Variants in CHRM2 observed in about 807,000 individuals in gnomAD.
CHRM2 encodes the protein muscarinic acetylcholine receptor M2.
In CHRM2, 8 loss-of-function variants were observed where a neutral mutation model predicts 25.0. The ratio of observed to expected loss-of-function variants is 0.32; its 90% CI spans 0.19 to 0.58. The LOEUF (loss-of-function observed/expected upper bound fraction) is 0.58, where lower values mean the gene tolerates loss of function less well. Among genes scored for constraint, CHRM2 ranks in the 20% least tolerant of loss-of-function variants. CHRM2 has a pLI of 0.88. For missense variants in CHRM2, 440 were observed against 567.1 expected, an observed-to-expected ratio of 0.78 and a Z score of 2.28; for synonymous variants, 202 against 205.7, an observed-to-expected ratio of 0.98 and a Z score of 0.15.
In CHRM2 at chr7:136,875,116, C is replaced by T. The variant is rs562090058; in HGVS notation, c.-125+5698C>T. Among the ~76,000 whole-genome samples the T allele has an allele frequency of 2.0e-4, 30 of 149,416 alleles. No individual in the cohort carries two copies. The South Asian group carries it at 5.7e-3, about 28-fold the overall frequency. ...ATATACACATATATACATATATACA[C>T]ACATATATACATATATATACACACA... On this transcript the variant is annotated intron_variant, in intron 2 of 3. Transcript: ENST00000680005.
chr7:136,972,682 C>T (rs1801852836), intron 2 of CHRM2, among the ~76,000 whole-genome samples: 1 of 151,984 alleles, frequency 6.6e-6, no homozygotes, highest in African/African-American at 2.4e-5. Context: ...GTGGTCATGG[C>T]AGTGGTAAGT....
intron 2 of CHRM2, among the ~76,000 whole-genome samples, chr7:136,942,846 TTCTTTTCTTCTC>T (rs1218938071): frequency 1.3e-5 from 2 of 152,052 alleles, no homozygotes; most frequent in South Asian, 2.1e-4. Context: ...TTTAATTTAG[TTCTTTTCTTCTC>T]TCTTTTCTTT....
intron 2 of CHRM2, among the ~76,000 whole-genome samples, chr7:136,965,382 C>T (rs369934262): frequency 3.2e-4 from 49 of 152,034 alleles, no homozygotes; most frequent in African/African-American, 9.4e-4. Flanking sequence ...AATGGAATTG[C>T]TATTATGGAT....
At chr7:136,924,876 G>A (rs887887496) in intron 2 of CHRM2, among the ~76,000 whole-genome samples, 2 of 152,152 alleles carry the variant, frequency 1.3e-5, no homozygotes, top group Non-Finnish European at 2.9e-5. Context: ...GTAACACAGA[G>A]TATTTCATAA....
chr7:136,976,550 G>T (rs942026667), intron 2 of CHRM2, among the ~76,000 whole-genome samples: 26 of 152,116 alleles, frequency 1.7e-4, no homozygotes, highest in African/African-American at 5.6e-4. Context: ...GCAGGCTTCT[G>T]AACTGGGCAC....
At chr7:136,888,263 AATAG>A (rs1309017944) in intron 2 of CHRM2, among the ~76,000 whole-genome samples, 2 of 152,190 alleles carry the variant, frequency 1.3e-5, no homozygotes, top group Non-Finnish European at 1.5e-5. Context: ...ATTGTCTTAA[AATAG>A]ATAGGAGCCA....
intron 3 of CHRM2, among the ~76,000 whole-genome samples, chr7:137,010,935 C>CAAGGTA (rs1804763689): frequency 6.6e-6 from 1 of 151,758 alleles, no homozygotes; most frequent in Admixed American, 6.6e-5. Flanking sequence ...TGTATAACTG[C>CAAGGTA]AAGGTAAGGA....
chr7:137,010,023 G>A (rs745822567), intron 3 of CHRM2, among the ~76,000 whole-genome samples: 2 of 151,866 alleles, frequency 1.3e-5, no homozygotes, highest in Non-Finnish European at 1.5e-5. Context: ...AACAGCATTT[G>A]TTTAATACTT....
chr7:136,975,574 C>G (rs914169078), intron 2 of CHRM2, among the ~76,000 whole-genome samples: 27 of 152,102 alleles, frequency 1.8e-4, no homozygotes, highest in African/African-American at 6.3e-4. Context: ...TAACAAAACC[C>G]AATGATAAAA....
At chr7:136,932,298 A>C (rs538591445) in intron 2 of CHRM2, among the ~76,000 whole-genome samples, 1 of 152,368 alleles carries the variant, frequency 6.6e-6, no homozygotes, top group East Asian at 1.9e-4. Flanking sequence ...AGAGTGAATT[A>C]GTAATTTGAA....
chr7:136,974,351 C>G (rs112518195), intron 2 of CHRM2, among the ~76,000 whole-genome samples: 1,990 of 152,246 alleles, frequency 0.013, 36 homozygotes, highest in African/African-American at 0.045. Flanking sequence ...CAAGTGCCAA[C>G]TGACAACATA....
intron 2 of CHRM2, among the ~76,000 whole-genome samples, chr7:136,957,515 A>G (rs1471258960): frequency 2.0e-5 from 3 of 152,234 alleles, no homozygotes; most frequent in African/African-American, 7.2e-5. Context: ...AATGACATCC[A>G]TAAGATTATA....
rs77413649 is a variant in CHRM2, at chr7:137,002,822, C to T, written c.-47+10558C>T. 1.6e-3 allele frequency among the ~76,000 whole-genome samples: 236 copies of T among 152,140 alleles called. 1 individual carries two copies. The highest frequency in any genetic ancestry group is 5.6e-3 in the African/African-American group (232 of 41,518). The stretch of plus-strand genomic sequence containing the variant: ...CTGTTTTTGTCCCTTTTTAAATGCT[C>T]TACTTGTTGATTAGAATCAACTGTT... On this transcript the variant is annotated intron_variant, in intron 3 of 3. Coordinates refer to ENST00000680005, the MANE Select transcript of CHRM2 (RefSeq NM_001006630.2).
At chr7:136,938,506 G>GGGCTCAGCA in intron 2 of CHRM2, 1 of 1,008,400 alleles carries the variant, frequency 9.9e-7, no homozygotes, top group Non-Finnish European at 1.6e-6. Context: ...TAGGATAAGG[G>GGGCTCAGCA]GGCTCAGCAG....
At chr7:136,950,658 A>G (rs540875605) in intron 2 of CHRM2, among the ~76,000 whole-genome samples, 28 of 152,358 alleles carry the variant, frequency 1.8e-4, no homozygotes, top group African/African-American at 6.3e-4. Context: ...AAAAACAACA[A>G]AAAAAGAAAA....
intron 2 of CHRM2, chr7:136,870,897 T>C (rs1795803243): frequency 6.6e-6 from 1 of 152,364 alleles, no homozygotes; most frequent in Admixed American, 6.5e-5. Flanking sequence ...ACTTTCTATT[T>C]CCCTGTCTTC....
chr7:136,972,038 C>CT (rs1467556714), intron 2 of CHRM2, among the ~76,000 whole-genome samples: 2 of 151,906 alleles, frequency 1.3e-5, no homozygotes, highest in Non-Finnish European at 2.9e-5. Context: ...GTCTGACTGT[C>CT]TTGTTACTGA....
chr7:136,930,690 A>G (rs10447876), intron 2 of CHRM2, among the ~76,000 whole-genome samples: 36,332 of 151,570 alleles, frequency 0.24, 5,725 homozygotes, highest in Non-Finnish European at 0.35. Context: ...GAGGTCAGGA[A>G]ATCGAGACCA....
chr7:136,943,209 A>G (rs35345724), intron 2 of CHRM2, among the ~76,000 whole-genome samples: 23,505 of 152,102 alleles, frequency 0.15, 2,548 homozygotes, highest in African/African-American at 0.3. Context: ...CAATCATTAG[A>G]GAGGTTGTCT....
Sources: allele counts gnomAD v4.1 joint callset (sites outside exome capture counted in the v4.1 genomes callset), GRCh38; gene constraint gnomAD v4.1.1; transcripts MANE v1.5; gene names NCBI Gene and HGNC (gene_info 2026-07-23, HGNC 2026-07-21).